Variants in TENM3 observed in about 807,000 individuals in gnomAD.
The protein encoded by TENM3 is teneurin transmembrane protein 3, also known as teneurin-3.
Under a neutral mutation model 255.1 loss-of-function variants are expected in TENM3, and 63 were observed. That is an observed-to-expected ratio of 0.25 (90% confidence interval 0.20 to 0.30). The LOEUF is 0.30. Ranked by LOEUF, TENM3 falls within the 10% of genes least tolerant of loss-of-function variation. TENM3 has a pLI of 1.00. For missense variants in TENM3, 2,929 were observed against 3,461.1 expected (o/e 0.85, Z 3.86); for synonymous variants, 1,306 against 1,322.3 (o/e 0.99, Z 0.27).
chr4:182,130,605 A>C, the TENM3 span, among the ~76,000 whole-genome samples: 2 of 152,150 alleles, frequency 1.3e-5, no homozygotes, highest in East Asian at 1.9e-4. Context: ...TAAAAGAAGT[A>C]GTTGTTGAAT....
the TENM3 span, among the ~76,000 whole-genome samples, chr4:181,572,913 T>A: frequency 6.6e-6 from 1 of 152,200 alleles, no homozygotes; most frequent in Non-Finnish European, 1.5e-5. Context: ...TAGCCCCTGG[T>A]AACCATCCTT....
the TENM3 span, among the ~76,000 whole-genome samples, chr4:181,716,678 A>G: frequency 6.6e-6 from 1 of 152,236 alleles, no homozygotes; most frequent in Admixed American, 6.5e-5. Flanking sequence ...TGGGAGAATT[A>G]AATGAGATAA....
chr4:182,112,169 T>G, the TENM3 span, among the ~76,000 whole-genome samples: 2,716 of 152,156 alleles, frequency 0.018, 72 homozygotes, highest in African/African-American at 0.062. Context: ...AAATAAAAAA[T>G]GAATGACTAC....
chr4:182,427,142 T>G (rs1771280817), intron 3 of TENM3, among the ~76,000 whole-genome samples: 1 of 152,190 alleles, frequency 6.6e-6, no homozygotes, highest in Admixed American at 6.5e-5. Flanking sequence ...ATTACTTTTT[T>G]TTCACTTGGG....
intron 1 of TENM3, among the ~76,000 whole-genome samples, chr4:182,263,122 G>A (rs773057973): frequency 6.6e-6 from 1 of 152,026 alleles, no homozygotes; most frequent in Non-Finnish European, 1.5e-5. Context: ...ATAATGTCTG[G>A]CGACCGCGAA....
chr4:181,467,274 C>T, the TENM3 span, among the ~76,000 whole-genome samples: 1 of 150,216 alleles, frequency 6.7e-6, no homozygotes, highest in South Asian at 2.1e-4. Flanking sequence ...GCCGGGATTA[C>T]AAGCGCCCGC....
intron 4 of TENM3, among the ~76,000 whole-genome samples, chr4:182,609,965 T>C (rs1312869306): frequency 2.6e-5 from 4 of 152,324 alleles, no homozygotes; most frequent in African/African-American, 9.6e-5. Flanking sequence ...AATAAAGATG[T>C]GATAAAATGC....
intron 13 of TENM3, among the ~76,000 whole-genome samples, chr4:182,719,434 G>A (rs1759508785): frequency 6.6e-6 from 1 of 151,406 alleles, no homozygotes; most frequent in Non-Finnish European, 1.5e-5. Context: ...GCTAATTTTT[G>A]TATTTTTAGT....
chr4:181,796,596 G>T, the TENM3 span, among the ~76,000 whole-genome samples: 4 of 152,198 alleles, frequency 2.6e-5, no homozygotes, highest in Non-Finnish European at 1.5e-5. Context: ...CCCAGGAAGG[G>T]GAGGGGTGGG....
chr4:181,573,091 G>A, the TENM3 span, among the ~76,000 whole-genome samples: 2 of 152,154 alleles, frequency 1.3e-5, no homozygotes, highest in African/African-American at 4.8e-5. Flanking sequence ...TCTTATGACT[G>A]AATAGTATTC....
intron 1 of TENM3, among the ~76,000 whole-genome samples, chr4:182,196,953 C>T (rs1055893014): frequency 2.0e-5 from 3 of 152,112 alleles, no homozygotes; most frequent in African/African-American, 7.2e-5. Flanking sequence ...TCTCGGATGC[C>T]AAGGAGCTCA....
intron 3 of TENM3, among the ~76,000 whole-genome samples, chr4:182,564,995 A>G (rs1020177385): frequency 4.6e-5 from 7 of 152,204 alleles, no homozygotes; most frequent in Middle Eastern, 3.4e-3. Flanking sequence ...AACAGTTCCC[A>G]TTTGGTTTTT....
chr4:182,008,599 C>T, the TENM3 span, among the ~76,000 whole-genome samples: 1 of 151,904 alleles, frequency 6.6e-6, no homozygotes, highest in Non-Finnish European at 1.5e-5. Context: ...TGTTTATGTT[C>T]CTCTCATTCT....
chr4:181,807,138 G>A, the TENM3 span, among the ~76,000 whole-genome samples: 3 of 152,196 alleles, frequency 2.0e-5, no homozygotes, highest in East Asian at 3.9e-4. Flanking sequence ...TCTACCCTGC[G>A]TTGTAGTTAT....
At chr4:181,609,252 T>A in the TENM3 span, among the ~76,000 whole-genome samples, 1 of 152,316 alleles carries the variant, frequency 6.6e-6, no homozygotes, top group East Asian at 1.9e-4. Flanking sequence ...TCTTACTAGT[T>A]TATTTTTCTT....
intron 3 of TENM3, among the ~76,000 whole-genome samples, chr4:182,559,951 A>G (rs1742978240): frequency 6.6e-6 from 1 of 152,150 alleles, no homozygotes; most frequent in South Asian, 2.1e-4. Flanking sequence ...AATGCTTCAG[A>G]TGATGGATAA....
chr4:182,404,143 T>C (rs1769394283), intron 3 of TENM3, among the ~76,000 whole-genome samples: 1 of 152,176 alleles, frequency 6.6e-6, no homozygotes, highest in Non-Finnish European at 1.5e-5. Flanking sequence ...ATTCCTGACA[T>C]TTTTGTTCCC....
At chr4:181,596,995 T>C in the TENM3 span, among the ~76,000 whole-genome samples, 1 of 152,114 alleles carries the variant, frequency 6.6e-6, no homozygotes, top group African/African-American at 2.4e-5. Flanking sequence ...TACTTAATAT[T>C]AATCTGTACA....
chr4:181,521,792 A>T, the TENM3 span, among the ~76,000 whole-genome samples: 3 of 152,074 alleles, frequency 2.0e-5, no homozygotes, highest in African/African-American at 7.2e-5. Flanking sequence ...GCATCTGCTA[A>T]AGTCACTTAA....
Sources: gnomAD v4.1 joint callset for allele counts (sites outside exome capture counted in the v4.1 genomes callset) on GRCh38, gnomAD v4.1.1 for gene constraint, MANE v1.5 for transcripts, NCBI Gene and HGNC (gene_info 2026-07-23, HGNC 2026-07-21) for gene names.